The following TPR variants were observed in gnomAD, a reference collection of about 807,000 sequenced individuals.
TPR encodes translocated promoter region, nuclear basket protein, also known as nucleoprotein TPR.
TPR carries 51 observed loss-of-function variants against 316.1 expected under a neutral mutation model. That is an observed-to-expected ratio of 0.16 (90% confidence interval 0.13 to 0.20). The LOEUF is 0.20. Ranked by LOEUF, TPR falls within the 10% of genes least tolerant of loss-of-function variation. The pLI is 1.00. For missense variants in TPR, 2,272 were observed against 2,754.8 expected, an observed-to-expected ratio of 0.82 and a Z score of 3.92; for synonymous variants, 981 against 914.7, an observed-to-expected ratio of 1.07 and a Z score of -1.31.
Position 186,355,765 on chromosome 1 carries a change from G to T in TPR, c.1892C>A (p.Ser631Ter). ...TTGVAIPLHA[S>*]SLDDVSLAST... Reference sequence around the variant, plus strand: ...TGCAAGAGAAACATCATCTAAGCTTGAAGCTTCAGGAAAGTAAAGACTAAT... The same window carrying T: ...TGCAAGAGAAACATCATCTAAGCTTTAAGCTTCAGGAAAGTAAAGACTAAT... Residue 631 changes from serine to a stop codon, truncating the protein, a stop_gained, in exon 16 of 51, where the codon TCA becomes TAA. Coordinates refer to ENST00000367478, the MANE Select transcript of TPR (RefSeq NM_003292.3). LOFTEE classifies it high-confidence loss of function. 6.2e-7 allele frequency: 1 copy of T among 1,613,206 alleles called. No homozygotes were observed. The highest frequency in any genetic ancestry group is 1.1e-5 in the South Asian group (1 of 90,924).
At chr1:186,366,449 G>C (rs987292397) in intron 4 of TPR, among the ~76,000 whole-genome samples, 1 of 152,110 alleles carries the variant, frequency 6.6e-6, no homozygotes, top group Non-Finnish European at 1.5e-5. Flanking sequence ...GTATGTTATT[G>C]GTAGGGCTTC....
chr1:186,347,471 A>G lies in TPR; in HGVS notation c.2777-13T>C. ...TTGCTAGGCTGACCTAAAAGACATA[A>G]CAGCTCTGTTAAAATTAACATTTTC... is the stretch of plus-strand genomic sequence containing the variant. On this transcript the variant is annotated splice_polypyrimidine_tract_variant and intron_variant, in intron 21 of 50. Transcript: ENST00000367478. 1 of 1,610,810 alleles carries G rather than the reference A, an allele frequency of 6.2e-7. No individual in the cohort carries two copies. The highest frequency in any genetic ancestry group is 8.5e-7 in the Non-Finnish European group (1 of 1,178,814).
At position 186,359,916 on chromosome 1, in the gene TPR, A is replaced by G. The variant is rs1052082935; in HGVS notation, c.1272T>C (p.Asp424=). The change falls in exon 12 of 51, where the codon GAT becomes GAC. Residue 424 remains aspartate (D), a synonymous_variant. Transcript: ENST00000367478. ...LENKRINKYL[D]EIVKEVEAKA... is the part of the protein sequence containing the mutation. ...TGGCTTCCACTTCTTTCACTATTTC[A>G]TCTAGGTACTTATTAATTCTTTTGT... 7 of 1,609,222 alleles carry G rather than the reference A, an allele frequency of 4.3e-6. No homozygotes were observed. Among genetic ancestry groups the G allele is most frequent in the Middle Eastern group, 1.7e-4 (1 of 6,050 alleles).
chr1:186,335,313 T>TAC, intron 34 of TPR, 25 bp downstream of exon 34: 1 of 1,607,624 alleles, frequency 6.2e-7, no homozygotes, highest in South Asian at 1.1e-5. Flanking sequence ...AACAATTTGT[T>TAC]ACTTAAGCAG....
At chr1:186,345,452 TAAG>T in intron 24 of TPR, 125 bp downstream of exon 24, 1 of 723,274 alleles carries the variant, frequency 1.4e-6, no homozygotes, top group East Asian at 2.5e-5. Context: ...TTGTCTTGTC[TAAG>T]TTCCACAAAA....
intron 18 of TPR, among the ~76,000 whole-genome samples, chr1:186,352,573 GGA>G (rs904088493): frequency 2.0e-5 from 3 of 152,098 alleles, no homozygotes; most frequent in African/African-American, 7.2e-5. Context: ...AGGGGACCAG[GGA>G]GAGTGTTTTG....
rs759126698 is a variant in TPR, at chr1:186,323,740, A to T, written c.6243T>A (p.Leu2081=). 6.5e-7 allele frequency: 1 copy of T among 1,537,298 alleles called. No individual in the cohort carries two copies. Residue 2081 remains leucine, a synonymous_variant, in exon 43 of 51, where the codon CTT becomes CTA. Transcript: ENST00000367478. ...PQSPRRPPHP[L]PPRLTIHAPP... ...GGGCATGAATGGTCAGTCTTGGGGG[A>T]AGTGGATGTGGTGGGCGTCTCGGTG...
In TPR at chr1:186,317,649, C is replaced by A. The variant is rs377552694; in HGVS notation, c.6822-49G>T. ...ATACAAAACTGATCCTACAGTCAAT[C>A]ATAAATTATATCCACTCTTTTAAAT... On this transcript the variant is annotated intron_variant, in intron 48 of 50. Transcript: ENST00000367478. 4 of 1,525,482 alleles carry A rather than the reference C, an allele frequency of 2.6e-6. No individual in the cohort carries two copies. In the African/African-American group the frequency reaches 4.1e-5, roughly 16 times the overall value. 94.5% of individuals were successfully genotyped at this position (1,525,482 alleles called of 1,614,324 possible). A position where few individuals can be genotyped will look rare whatever the true frequency, so the allele number is the denominator to read the frequency against.
intron 23 of TPR, 129 bp downstream of exon 23, chr1:186,346,006 A>C: frequency 9.5e-7 from 1 of 1,053,732 alleles, no homozygotes; most frequent in South Asian, 1.8e-5. Flanking sequence ...GTAAAACATA[A>C]AACTAAAATT....
Position 186,313,825 on chromosome 1 carries a change from A to C in TPR, c.*146T>G. On this transcript the variant is annotated 3_prime_UTR_variant, in exon 51 of 51. Coordinates refer to ENST00000367478, the MANE Select transcript of TPR (RefSeq NM_003292.3). Reference sequence around the variant, plus strand: ...CAACTAATGAAGAAATGAATAATAAATTTTGACACTGAAAAACATTTTATT... The same window carrying C: ...CAACTAATGAAGAAATGAATAATAACTTTTGACACTGAAAAACATTTTATT... The C allele has an allele frequency of 6.6e-7, 1 of 1,510,368 alleles. No individual in the cohort carries two copies. Among genetic ancestry groups the C allele is most frequent in the Non-Finnish European group, 9.2e-7 (1 of 1,085,946 alleles). The allele number at this position is 1,510,368 out of a possible 1,614,324, so 93.6% of individuals were successfully genotyped here.
Position 186,328,259 on chromosome 1 carries a change from A to G in TPR, c.5689-599T>C, listed in dbSNP as rs374776062. Among the ~76,000 whole-genome samples the G allele has an allele frequency of 3.3e-5, 5 of 152,310 alleles. No homozygotes were observed. In the South Asian group the frequency reaches 8.3e-4, roughly 25 times the overall value. On this transcript the variant is annotated intron_variant, in intron 39 of 50. Transcript: ENST00000367478. ...TTGTGCATTCAAAACTACTAGCGTG[A>G]TATCGCGTATCAGTGCTGTGAGACA...
intron 12 of TPR, 28 bp from the exon 13 acceptor site, chr1:186,358,678 T>C (rs992559738): frequency 6.3e-7 from 1 of 1,592,392 alleles, no homozygotes; most frequent in Non-Finnish European, 8.6e-7. Flanking sequence ...AAGTGAAAAT[T>C]TTGTACTTCC....
chr1:186,355,443 T>C lies in TPR; in HGVS notation c.2138A>G (p.Lys713Arg). The change falls in exon 17 of 51, where the codon AAA (lysine) becomes AGA (arginine). Residue 713 changes from lysine (K) to arginine (R), a missense_variant. Physicochemically the swap from Lys to Arg is conservative, Grantham distance 26. Coordinates refer to ENST00000367478, the MANE Select transcript of TPR (RefSeq NM_003292.3). ...QVTDLRSQNT[K>R]ISTQLDFASK... Reference sequence around the variant, plus strand: ...AGCAAAATCTAGCTGGGTAGAAATTTTGGTATTTTGTGATCGCAAATCTGT... The same window carrying C: ...AGCAAAATCTAGCTGGGTAGAAATTCTGGTATTTTGTGATCGCAAATCTGT... 6.2e-7 allele frequency: 1 copy of C among 1,611,298 alleles called. No homozygotes were observed. Among genetic ancestry groups the C allele is most frequent in the Non-Finnish European group, 8.5e-7 (1 of 1,179,504 alleles).
chr1:186,367,770 A>G, intron 4 of TPR, 116 bp downstream of exon 4: 2 of 634,266 alleles, frequency 3.2e-6, no homozygotes, highest in South Asian at 2.2e-5. Flanking sequence ...TGACAACTCT[A>G]TACTCAACCA....
rs1016523417 is a variant in TPR at position 186,333,454 on chromosome 1, C to T, written c.5183-60G>A. The T allele has an allele frequency of 3.2e-6, 5 of 1,572,628 alleles. No homozygotes were observed. In the African/African-American group the frequency reaches 4.1e-5, roughly 13 times the overall value. On this transcript the variant is annotated intron_variant, in intron 36 of 50. Transcript: ENST00000367478. ...CTACTTTTATCAAAGCTGAAATTATCCTTCCTATTCTGTGGTACATGTCAC... is the reference window on the plus strand; with the variant it reads ...CTACTTTTATCAAAGCTGAAATTATTCTTCCTATTCTGTGGTACATGTCAC...
At position 186,337,035 on chromosome 1, in the gene TPR, C is replaced by A. The variant is rs1273905652; in HGVS notation, c.4484G>T (p.Ser1495Ile). ...QAETKSKSLE[S>I]QVENLQKTLS... is the part of the protein sequence containing the mutation. ...TACCTTCTGCAGATTCTCTACTTGA[C>A]TTTCAAGTGATTTTGATTTTGTTTC... is the stretch of plus-strand genomic sequence containing the variant. The change falls in exon 32 of 51, where the codon AGT becomes ATT. Residue 1495 changes from serine to isoleucine, a missense_variant. Ser to Ile is a moderately radical substitution (Grantham distance 142, BLOSUM62 -2). Around this residue, in one of 10 missense-constraint regions of TPR, gnomAD observed 101 missense variants for 113.0 expected, o/e 0.89. Transcript: ENST00000367478. 6.2e-7 allele frequency: 1 copy of A among 1,613,852 alleles called. No individual in the cohort carries two copies. Among genetic ancestry groups the A allele is most frequent in the Admixed American group, 1.7e-5 (1 of 60,010 alleles).
At chr1:186,333,556 T>G (rs1658241734) in intron 36 of TPR, among the ~76,000 whole-genome samples, 162 bp from the exon 37 acceptor site, 1 of 152,170 alleles carries the variant, frequency 6.6e-6, no homozygotes, top group African/African-American at 2.4e-5. Context: ...TTATATTCCC[T>G]ATGTAATTGA....
intron 43 of TPR, 50 bp downstream of exon 43, chr1:186,323,636 C>T (rs781245044): frequency 2.1e-6 from 3 of 1,400,246 alleles, no homozygotes; most frequent in East Asian, 5.6e-5. Context: ...GGGAGAAAAG[C>T]CAAGATTTTT....
chr1:186,337,817 T>C (rs577660539), intron 31 of TPR, among the ~76,000 whole-genome samples: 4 of 152,168 alleles, frequency 2.6e-5, no homozygotes, highest in Admixed American at 1.3e-4. Flanking sequence ...TGGAGAGTAT[T>C]TGAAAGGTGA....
Sources: gnomAD v4.1 joint callset for allele counts (sites outside exome capture counted in the v4.1 genomes callset) on GRCh38, gnomAD v4.1.1 for gene constraint, gnomAD v4.1.1 regional missense constraint, MANE v1.5 for transcripts, NCBI Gene and HGNC (gene_info 2026-07-23, HGNC 2026-07-21) for gene names.